The following MDGA2 variants were observed in gnomAD, a reference collection of about 807,000 sequenced individuals.
The protein encoded by MDGA2 is MAM domain containing glycosylphosphatidylinositol anchor 2, also known as MAM domain-containing glycosylphosphatidylinositol anchor protein 2.
In MDGA2, 40 loss-of-function variants were observed where a neutral mutation model predicts 117.8. That is an observed-to-expected ratio of 0.34 (90% CI 0.26 to 0.44). MDGA2 has a LOEUF of 0.44. Among genes scored for constraint, MDGA2 ranks in the 20% least tolerant of loss-of-function variants. MDGA2 has a pLI of 1.00. For synonymous variants in MDGA2, 452 were observed against 439.0 expected (o/e 1.03, Z -0.37); for missense variants, 1,123 against 1,250.6 (o/e 0.90, Z 1.54).
At chr14:47,592,194 G>T (rs188356071) in intron 1 of MDGA2, among the ~76,000 whole-genome samples, 2 of 152,050 alleles carry the variant, frequency 1.3e-5, no homozygotes, top group Admixed American at 1.3e-4. Context: ...TGGAAGTGAA[G>T]AACCTCTTCT....
At chr14:46,910,716 T>C (rs1883665659) in intron 10 of MDGA2, among the ~76,000 whole-genome samples, 1 of 152,160 alleles carries the variant, frequency 6.6e-6, no homozygotes. Context: ...CATGATCCTG[T>C]ATCTAGCAAA....
intron 1 of MDGA2, among the ~76,000 whole-genome samples, chr14:47,494,789 C>G (rs1294453184): frequency 6.6e-6 from 1 of 151,268 alleles, no homozygotes; most frequent in Non-Finnish European, 1.5e-5. Context: ...GTGTCTTTCT[C>G]CAGTGTATAT....
chr14:46,889,008 TAAGAA>T, intron 10 of MDGA2, among the ~76,000 whole-genome samples: 1 of 151,982 alleles, frequency 6.6e-6, no homozygotes, highest in Non-Finnish European at 1.5e-5. Context: ...TCCAACAGAA[TAAGAA>T]ATCAGGAAGA....
At chr14:47,442,652 C>T (rs1450108573) in intron 1 of MDGA2, among the ~76,000 whole-genome samples, 2 of 152,126 alleles carry the variant, frequency 1.3e-5, no homozygotes, top group African/African-American at 4.8e-5. Context: ...GCACAGCAAA[C>T]GGAATGTAGG....
intron 10 of MDGA2, among the ~76,000 whole-genome samples, chr14:46,886,594 T>TTTTTG (rs563462528): frequency 1.3e-4 from 20 of 151,952 alleles, no homozygotes; most frequent in African/African-American, 2.9e-4. Flanking sequence ...TACCAGGTGA[T>TTTTTG]TTTTGTTTTG....
intron 2 of MDGA2, among the ~76,000 whole-genome samples, chr14:47,230,656 C>A (rs1204251947): frequency 6.6e-6 from 1 of 151,834 alleles, no homozygotes; most frequent in African/African-American, 2.4e-5. Context: ...GGAACAAGAA[C>A]AACAACACAT....
intron 2 of MDGA2, among the ~76,000 whole-genome samples, chr14:47,273,952 G>A (rs1160378586): frequency 6.6e-6 from 1 of 152,070 alleles, no homozygotes; most frequent in Non-Finnish European, 1.5e-5. Flanking sequence ...ATAAGCACAA[G>A]CAACCAAAAG....
At chr14:47,606,624 T>G (rs938800318) in intron 1 of MDGA2, among the ~76,000 whole-genome samples, 4 of 152,096 alleles carry the variant, frequency 2.6e-5, no homozygotes, top group Admixed American at 6.6e-5. Flanking sequence ...CTGTTTGCCT[T>G]GTGTCAGCAG....
chr14:47,325,299 G>C (rs1890111309), intron 1 of MDGA2, among the ~76,000 whole-genome samples: 1 of 152,108 alleles, frequency 6.6e-6, no homozygotes, highest in Non-Finnish European at 1.5e-5. Flanking sequence ...TCCCATAGGA[G>C]ATATCACAAC....
At chr14:47,612,677 T>C (rs1896874138) in intron 1 of MDGA2, among the ~76,000 whole-genome samples, 1 of 152,194 alleles carries the variant, frequency 6.6e-6, no homozygotes, top group Non-Finnish European at 1.5e-5. Flanking sequence ...CCGCTGTTGG[T>C]ACTCTTTAAA....
chr14:46,924,046 A>G (rs1884232456), intron 9 of MDGA2, among the ~76,000 whole-genome samples: 1 of 152,036 alleles, frequency 6.6e-6, no homozygotes, highest in African/African-American at 2.4e-5. Context: ...TTATTCTTAT[A>G]CAATGTTGTT....
intron 3 of MDGA2, among the ~76,000 whole-genome samples, chr14:47,167,642 T>A (rs1036073313): frequency 1.3e-5 from 2 of 152,080 alleles, no homozygotes; most frequent in Non-Finnish European, 2.9e-5. Context: ...TCAGGCATAT[T>A]AGATTACAAG....
At chr14:47,243,747 G>C (rs1384424442) in intron 2 of MDGA2, among the ~76,000 whole-genome samples, 2 of 151,714 alleles carry the variant, frequency 1.3e-5, no homozygotes, top group Non-Finnish European at 3.0e-5. Context: ...CGCTCACCGC[G>C]AGGGTCCGAG....
chr14:47,674,665 G>A lies in MDGA2; in HGVS notation c.132C>T (p.Arg44=). The change falls in exon 1 of 17, where the codon CGC becomes CGT. Residue 44 remains arginine (R), a synonymous_variant. Transcript: ENST00000399232. Reference sequence around the variant, plus strand: ...TCAGGAGGCCGGCGGCCAGCCAGGCGCGCTCCACTCGCGCCCGGGCCAAGC... The same window carrying A: ...TCAGGAGGCCGGCGGCCAGCCAGGCACGCTCCACTCGCGCCCGGGCCAAGC... ...HLGLARARVE[R]AWLAAGLLKV... 7.1e-7 allele frequency: 1 copy of A among 1,405,628 alleles called. No individual in the cohort carries two copies. The highest frequency in any genetic ancestry group is 9.9e-7 in the Non-Finnish European group (1 of 1,015,020). 87.1% of individuals were successfully genotyped at this position (1,405,628 alleles called of 1,614,324 possible).
chr14:46,892,773 A>G (rs1347333947), intron 10 of MDGA2, among the ~76,000 whole-genome samples: 1 of 151,978 alleles, frequency 6.6e-6, no homozygotes, highest in Admixed American at 6.6e-5. Flanking sequence ...ATCACTAACC[A>G]TCATGAAAAT....
intron 1 of MDGA2, among the ~76,000 whole-genome samples, chr14:47,391,268 T>C (rs1039596074): frequency 6.6e-6 from 1 of 152,246 alleles, no homozygotes; most frequent in Non-Finnish European, 1.5e-5. Flanking sequence ...ACTGTAGATT[T>C]GCCGAAGGGA....
intron 1 of MDGA2, among the ~76,000 whole-genome samples, chr14:47,603,867 G>T (rs565008121): frequency 6.6e-6 from 1 of 152,112 alleles, no homozygotes; most frequent in African/African-American, 2.4e-5. Context: ...GTGAGTTCAC[G>T]CAAGATCTGG....
At chr14:46,967,376 G>A (rs928690191) in intron 8 of MDGA2, among the ~76,000 whole-genome samples, 3 of 152,118 alleles carry the variant, frequency 2.0e-5, no homozygotes, top group Admixed American at 6.5e-5. Flanking sequence ...TCTTTGTTGG[G>A]ATTAAAGTCA....
At chr14:46,909,042 T>C (rs949959697) in intron 10 of MDGA2, among the ~76,000 whole-genome samples, 2 of 152,184 alleles carry the variant, frequency 1.3e-5, no homozygotes, top group African/African-American at 4.8e-5. Flanking sequence ...ATAGCATTAA[T>C]TGCTTTCTAA....
Sources: gnomAD v4.1 joint callset for allele counts (sites outside exome capture counted in the v4.1 genomes callset) on GRCh38, gnomAD v4.1.1 for gene constraint, MANE v1.5 for transcripts, NCBI Gene and HGNC (gene_info 2026-07-23, HGNC 2026-07-21) for gene names.